TAMM41: variants seen among roughly 807,000 people sequenced by gnomAD.
TAMM41 encodes phosphatidate cytidylyltransferase, mitochondrial.
A neutral mutation model predicts 44.1 loss-of-function variants in TAMM41; 36 were observed. That is an observed-to-expected ratio of 0.82 (90% CI 0.63 to 1.08). The LOEUF (loss-of-function observed/expected upper bound fraction) is 1.08, where lower values mean the gene tolerates loss of function less well. Among genes scored for constraint, TAMM41 ranks in the 50% least tolerant of loss-of-function variants. The pLI is 0.00. For missense variants in TAMM41, 417 were observed against 404.3 expected, an observed-to-expected ratio of 1.03 and a Z score of -0.27; for synonymous variants, 164 against 153.1, an observed-to-expected ratio of 1.07 and a Z score of -0.53.
the TAMM41 span, among the ~76,000 whole-genome samples, chr3:11,743,789 C>T: frequency 2.6e-5 from 4 of 152,264 alleles, no homozygotes; most frequent in Admixed American, 6.5e-5. Context: ...TTCAGTTTCC[C>T]GGAGGTACCT....
At chr3:11,772,520 T>C in the TAMM41 span, among the ~76,000 whole-genome samples, 10 of 152,308 alleles carry the variant, frequency 6.6e-5, no homozygotes, top group South Asian at 6.2e-4. Context: ...GCAAAAGACG[T>C]GATTTCATTC....
intron 4 of TAMM41, among the ~76,000 whole-genome samples, chr3:11,820,742 T>G (rs1422015720): frequency 1.3e-5 from 2 of 152,238 alleles, no homozygotes; most frequent in Non-Finnish European, 2.9e-5. Context: ...AGATTTGTTT[T>G]CAACAAAACT....
intron 7 of TAMM41, among the ~76,000 whole-genome samples, chr3:11,800,969 G>A (rs2077735226): frequency 6.6e-6 from 1 of 152,012 alleles, no homozygotes; most frequent in African/African-American, 2.4e-5. Context: ...GTATGTGCCT[G>A]TGGTCCCAGC....
intron 4 of TAMM41, among the ~76,000 whole-genome samples, chr3:11,826,144 T>G (rs960898617): frequency 2.0e-5 from 3 of 152,042 alleles, no homozygotes; most frequent in Non-Finnish European, 4.4e-5. Context: ...CAAATAACAG[T>G]TTCTCAACCT....
At chr3:11,729,008 CA>C in the TAMM41 span, among the ~76,000 whole-genome samples, 319 of 115,982 alleles carry the variant, frequency 2.8e-3, 1 homozygote, top group Admixed American at 3.7e-3. Flanking sequence ...GACTCTGTCT[CA>C]AAAAAAAAAA....
In TAMM41 at chr3:11,829,798, C is replaced by A; in HGVS notation, c.478G>T (p.Ala160Ser). ...AGCATGAGGAAAGCAGCGGTCACAG[C>A]ACTCTTCAGATTTCTATCGAGGGCT... ...RSALDRNLKS[A>S]VTAAFLMLPE... The change falls in exon 4 of 8, where the codon GCT (alanine) becomes TCT (serine). Residue 160 changes from alanine to serine, a missense_variant. By Grantham distance (99) the Ala-to-Ser change is moderately conservative (BLOSUM62 1). Coordinates refer to ENST00000455809, the MANE Select transcript of TAMM41 (RefSeq NM_001284401.2). 1 of 1,614,152 alleles carries A rather than the reference C, an allele frequency of 6.2e-7. No homozygotes were observed. The highest frequency in any genetic ancestry group is 1.1e-5 in the South Asian group (1 of 91,086).
rs775491404 is a variant in TAMM41 at position 11,839,223 on chromosome 3, G to A, written c.410C>T (p.Pro137Leu). Residue 137 changes from proline (P) to leucine (L), a missense_variant and splice_region_variant, in exon 3 of 8, where the codon CCG becomes CTG. By Grantham distance (98) the Pro-to-Leu change is moderately conservative. Transcript: ENST00000455809. Reference protein sequence around the residue: ...NLYIAGRLQKPVKIISVNEDV... With the variant: ...NLYIAGRLQKLVKIISVNEDV... ...CTGTGCAGCCTATAAAACACTCACC[G>A]GTTTTTGGAGTCGTCCAGCAATGTA... 2.2e-5 allele frequency: 36 copies of A among 1,608,796 alleles called. No individual in the cohort carries two copies. The highest frequency in any genetic ancestry group is 1.2e-4 in the Admixed American group (7 of 59,896).
At chr3:11,809,278 T>C in intron 6 of TAMM41, 1 of 511,308 alleles carries the variant, frequency 2.0e-6, no homozygotes, top group Non-Finnish European at 3.4e-6. Flanking sequence ...ACATTGTTTC[T>C]CCCTTTGACA....
At chr3:11,788,671 C>G (rs1179561441), downstream of TAMM41, among the ~76,000 whole-genome samples, 4 of 152,188 alleles carry the variant, frequency 2.6e-5, no homozygotes, top group Admixed American at 2.6e-4. Flanking sequence ...CACAGTGGCT[C>G]ACGCCTGTAA....
chr3:11,733,775 G>T, the TAMM41 span, among the ~76,000 whole-genome samples: 1 of 151,966 alleles, frequency 6.6e-6, no homozygotes, highest in Non-Finnish European at 1.5e-5. Flanking sequence ...GATTACAGGC[G>T]TGAGCCACCA....
rs530261491 is a variant in TAMM41, at chr3:11,844,327, G to A, written c.136-116C>T. Reference sequence around the variant, plus strand: ...ATGATCAATAGTCAGAAGGCCTGGTGCTGTCATCAGAAATGTGAGCGAGTC... The same window carrying A: ...ATGATCAATAGTCAGAAGGCCTGGTACTGTCATCAGAAATGTGAGCGAGTC... On this transcript the variant is annotated intron_variant, in intron 1 of 7. Coordinates refer to ENST00000455809, the MANE Select transcript of TAMM41 (RefSeq NM_001284401.2). 1.2e-5 allele frequency: 11 copies of A among 947,374 alleles called. No individual in the cohort carries two copies. The African/African-American group carries it at 1.5e-4, about 13-fold the overall frequency. 58.7% of individuals were successfully genotyped at this position (947,374 alleles called of 1,614,324 possible).
intron 7 of TAMM41, chr3:11,807,604 G>C: frequency 6.5e-7 from 1 of 1,536,146 alleles, no homozygotes; most frequent in Non-Finnish European, 8.7e-7. Flanking sequence ...AGAAAATTCA[G>C]AAGGGCAGTA....
chr3:11,818,140 G>A (rs780638194), intron 4 of TAMM41, among the ~76,000 whole-genome samples: 3 of 152,222 alleles, frequency 2.0e-5, no homozygotes, highest in Non-Finnish European at 2.9e-5. Flanking sequence ...TGAGTCAAGC[G>A]TGGTGAAAGC....
chr3:11,807,217 T>A, intron 7 of TAMM41: 17 of 1,426,256 alleles, frequency 1.2e-5, no homozygotes, highest in Non-Finnish European at 1.5e-5. Flanking sequence ...AAAGGTGTAC[T>A]CTGTGGCTCA....
At position 11,812,085 on chromosome 3, in the gene TAMM41, G is replaced by A. The variant is rs183453845; in HGVS notation, c.709-2403C>T. On this transcript the variant is annotated intron_variant, in intron 5 of 7. Coordinates refer to ENST00000455809, the MANE Select transcript of TAMM41 (RefSeq NM_001284401.2). Reference sequence around the variant, plus strand: ...TGGGATTACAGGCGCACACCACCATGCCTGGCTAATTTTTGTATTTTTAGT... The same window carrying A: ...TGGGATTACAGGCGCACACCACCATACCTGGCTAATTTTTGTATTTTTAGT... Among the ~76,000 whole-genome samples, 427 of 152,064 alleles carry A rather than the reference G, an allele frequency of 2.8e-3. 3 individuals carry two copies. The highest frequency in any genetic ancestry group is 9.8e-3 in the African/African-American group (408 of 41,492).
intron 6 of TAMM41, chr3:11,808,157 CA>C: frequency 1.0e-6 from 1 of 961,396 alleles, no homozygotes; most frequent in Non-Finnish European, 1.4e-6. Flanking sequence ...CCCCTTAAAA[CA>C]AGGGGATGGG....
At chr3:11,798,790 CA>C (rs1385955866) in intron 7 of TAMM41, among the ~76,000 whole-genome samples, 7 of 152,136 alleles carry the variant, frequency 4.6e-5, no homozygotes, top group African/African-American at 2.4e-5. Flanking sequence ...AGACCTGGGC[CA>C]GGGGCTAACA....
chr3:11,766,834 T>C, the TAMM41 span, among the ~76,000 whole-genome samples: 1 of 151,962 alleles, frequency 6.6e-6, no homozygotes, highest in African/African-American at 2.4e-5. Context: ...CCTCCTAAAG[T>C]GTGGGATTAC....
At chr3:11,746,602 A>G in the TAMM41 span, among the ~76,000 whole-genome samples, 1 of 151,510 alleles carries the variant, frequency 6.6e-6, no homozygotes, top group African/African-American at 2.4e-5. Flanking sequence ...GAAAAAAAAC[A>G]TATATCAGAG....
Sources: gnomAD v4.1 joint callset for allele counts (sites outside exome capture counted in the v4.1 genomes callset) on GRCh38, gnomAD v4.1.1 for gene constraint, MANE v1.5 for transcripts, NCBI Gene and HGNC (gene_info 2026-07-23, HGNC 2026-07-21) for gene names.